PTPRD: variants seen among roughly 807,000 people sequenced by gnomAD.
PTPRD encodes receptor-type tyrosine-protein phosphatase delta.
PTPRD carries 34 observed loss-of-function variants against 214.5 expected under a neutral mutation model. The observed-to-expected ratio is 0.16, with a 90% confidence interval of 0.12 to 0.21. The LOEUF (loss-of-function observed/expected upper bound fraction) is 0.21, where lower values mean the gene tolerates loss of function less well. PTPRD is among the 10% of genes least tolerant of loss of function. PTPRD has a pLI of 1.00. For synonymous variants in PTPRD, 1,128 were observed against 845.7 expected (o/e 1.33, Z -5.79); for missense variants, 2,545 against 2,398.7 (o/e 1.06, Z -1.27).
At chr9:8,652,212 T>C (rs888553180) in intron 12 of PTPRD, among the ~76,000 whole-genome samples, 6 of 152,354 alleles carry the variant, frequency 3.9e-5, no homozygotes, top group African/African-American at 1.2e-4. Context: ...TTTACCAATA[T>C]AGAATGCATG....
intron 11 of PTPRD, among the ~76,000 whole-genome samples, chr9:8,853,710 T>C (rs1351098670): frequency 6.6e-6 from 1 of 152,214 alleles, no homozygotes; most frequent in Admixed American, 6.5e-5. Context: ...CTCAATCTTG[T>C]AGTTCACAGA....
chr9:8,354,845 G>T (rs10815832), intron 39 of PTPRD, among the ~76,000 whole-genome samples: 6 of 152,098 alleles, frequency 3.9e-5, no homozygotes, highest in South Asian at 4.2e-4. Context: ...AATCAATTTA[G>T]GCTGTAAGAA....
chr9:9,822,820 T>C (rs1350674698), intron 5 of PTPRD, among the ~76,000 whole-genome samples: 1 of 151,984 alleles, frequency 6.6e-6, no homozygotes, highest in Non-Finnish European at 1.5e-5. Context: ...TAATAATAGA[T>C]GCTGGTGAGG....
chr9:9,668,178 A>C (rs528237472), intron 7 of PTPRD, among the ~76,000 whole-genome samples: 4 of 152,290 alleles, frequency 2.6e-5, no homozygotes, highest in African/African-American at 9.6e-5. Context: ...AGAAACTCTT[A>C]TAACAATAAC....
chr9:9,313,552 C>G (rs980593201), intron 9 of PTPRD, among the ~76,000 whole-genome samples: 4 of 152,064 alleles, frequency 2.6e-5, no homozygotes, highest in African/African-American at 9.7e-5. Flanking sequence ...TCTTCTTATA[C>G]CAGTGTTAGA....
At chr9:9,240,140 T>C (rs1431126040) in intron 9 of PTPRD, among the ~76,000 whole-genome samples, 1 of 151,408 alleles carries the variant, frequency 6.6e-6, no homozygotes, top group Non-Finnish European at 1.5e-5. Context: ...AAGTAAACTT[T>C]TCAATAATAT....
chr9:9,712,266 G>T (rs563484431), intron 7 of PTPRD, among the ~76,000 whole-genome samples: 1 of 152,014 alleles, frequency 6.6e-6, no homozygotes, highest in Non-Finnish European at 1.5e-5. Context: ...ATTTTTAAAA[G>T]AATTCGGTAA....
chr9:9,745,193 A>G (rs1223334871), intron 6 of PTPRD, among the ~76,000 whole-genome samples: 1 of 152,154 alleles, frequency 6.6e-6, no homozygotes, highest in African/African-American at 2.4e-5. Flanking sequence ...TCATGTCTCT[A>G]CTTTTTCTTG....
At chr9:10,219,093 T>C (rs1252926343) in intron 3 of PTPRD, among the ~76,000 whole-genome samples, 1 of 151,704 alleles carries the variant, frequency 6.6e-6, no homozygotes, top group East Asian at 1.9e-4. Context: ...TAATCAAAGA[T>C]ATATCCAAAA....
intron 8 of PTPRD, among the ~76,000 whole-genome samples, chr9:9,500,917 T>C (rs888689030): frequency 6.6e-6 from 1 of 152,058 alleles, no homozygotes; most frequent in African/African-American, 2.4e-5. Flanking sequence ...TATGTGAAAT[T>C]GTTCAATATT....
chr9:8,657,184 T>G (rs1454201305), intron 12 of PTPRD, among the ~76,000 whole-genome samples: 1 of 143,634 alleles, frequency 7.0e-6, no homozygotes, highest in African/African-American at 2.6e-5. Flanking sequence ...TTTTTTTTTT[T>G]GAGACAGAGT....
chr9:9,271,171 G>C (rs1569566369), intron 9 of PTPRD, among the ~76,000 whole-genome samples: 2 of 151,226 alleles, frequency 1.3e-5, no homozygotes, highest in East Asian at 2.0e-4. Context: ...TCAAAGATTA[G>C]TCATACATCT....
intron 14 of PTPRD, among the ~76,000 whole-genome samples, chr9:8,565,084 G>A (rs533637782): frequency 2.0e-5 from 3 of 152,280 alleles, no homozygotes; most frequent in Admixed American, 6.5e-5. Context: ...AAAACTCAAT[G>A]ACGGGGAGAG....
At position 10,477,924 on chromosome 9, in the gene PTPRD, G is replaced by T. The variant is rs145437775; in HGVS notation, c.-600+134474C>A. ...ATTTTCTCACTCATAAGTGGGAGCT[G>T]AACAATGAGAACACATGAACACAGG... On this transcript the variant is annotated intron_variant, in intron 2 of 45. Coordinates refer to ENST00000381196, the MANE Select transcript of PTPRD (RefSeq NM_002839.4). 5.8e-3 allele frequency among the ~76,000 whole-genome samples: 875 copies of T among 151,942 alleles called. 8 individuals carry two copies. The highest frequency in any genetic ancestry group is 0.02 in the African/African-American group (817 of 41,452).
At chr9:10,129,487 C>A (rs113008732) in intron 3 of PTPRD, among the ~76,000 whole-genome samples, 2,737 of 137,638 alleles carry the variant, frequency 0.02, 91 homozygotes, top group African/African-American at 0.068. Flanking sequence ...ATTTTATTCT[C>A]TTTTTTCTTT....
intron 11 of PTPRD, among the ~76,000 whole-genome samples, chr9:8,835,802 T>C (rs1190437755): frequency 6.6e-6 from 1 of 152,204 alleles, no homozygotes; most frequent in African/African-American, 2.4e-5. Flanking sequence ...ACTCCCAAAG[T>C]GCTGGGACCA....
chr9:9,595,108 T>C (rs2093162396), intron 7 of PTPRD, among the ~76,000 whole-genome samples: 1 of 151,344 alleles, frequency 6.6e-6, no homozygotes, highest in Admixed American at 6.6e-5. Context: ...GTAGATGCGG[T>C]GAACAGGGAA....
At chr9:9,137,761 A>G (rs765816161) in intron 10 of PTPRD, among the ~76,000 whole-genome samples, 23 of 152,158 alleles carry the variant, frequency 1.5e-4, no homozygotes, top group Non-Finnish European at 2.9e-4. Context: ...GTTGTATATT[A>G]CAGCTGGATT....
chr9:9,211,531 A>G (rs946339949), intron 9 of PTPRD, among the ~76,000 whole-genome samples: 1 of 115,962 alleles, frequency 8.6e-6, no homozygotes, highest in African/African-American at 2.7e-5. Context: ...ACACACACAC[A>G]CACACACACA....
Sources: gnomAD v4.1 joint callset for allele counts (sites outside exome capture counted in the v4.1 genomes callset) on GRCh38, gnomAD v4.1.1 for gene constraint, MANE v1.5 for transcripts, NCBI Gene and HGNC (gene_info 2026-07-23, HGNC 2026-07-21) for gene names.